Variants in DEPDC5 observed in about 807,000 individuals in gnomAD.
DEPDC5 encodes GATOR1 complex protein DEPDC5.
A neutral mutation model predicts 217.3 loss-of-function variants in DEPDC5; 73 were observed. The ratio of observed to expected loss-of-function variants is 0.34; its 90% confidence interval spans 0.28 to 0.41. The LOEUF (loss-of-function observed/expected upper bound fraction) is 0.41, where lower values mean the gene tolerates loss of function less well. Ranked by LOEUF, DEPDC5 falls within the 10% of genes least tolerant of loss-of-function variation. The pLI, the probability that DEPDC5 is intolerant of heterozygous loss-of-function variation, is 1.00. For missense variants in DEPDC5, 1,675 were observed against 2,070.1 expected (o/e 0.81, Z 3.70); for synonymous variants, 733 against 756.7 (o/e 0.97, Z 0.51).
At chr22:31,775,014 G>C (rs1455871662) in intron 7 of DEPDC5, among the ~76,000 whole-genome samples, 1 of 147,970 alleles carries the variant, frequency 6.8e-6, no homozygotes, top group Non-Finnish European at 1.5e-5. Flanking sequence ...AAAGGAGTAT[G>C]AAAAAGCATC....
intron 24 of DEPDC5, among the ~76,000 whole-genome samples, chr22:31,830,447 C>T (rs1271182756): frequency 1.3e-5 from 2 of 152,222 alleles, no homozygotes; most frequent in Non-Finnish European, 2.9e-5. Flanking sequence ...CATATGCCAA[C>T]AGCAAGTCTT....
intron 31 of DEPDC5, among the ~76,000 whole-genome samples, chr22:31,852,258 T>C (rs5998144): frequency 0.081 from 12,382 of 152,202 alleles, 577 homozygotes; most frequent in Admixed American, 0.12. Context: ...ATCACGCGGC[T>C]TCAGTGAGAA....
At chr22:31,797,131 T>G (rs548595396) in intron 12 of DEPDC5, among the ~76,000 whole-genome samples, 2 of 152,022 alleles carry the variant, frequency 1.3e-5, no homozygotes, top group East Asian at 3.9e-4. Flanking sequence ...CTCAGCTCAC[T>G]GTACTCCAAT....
intron 31 of DEPDC5, among the ~76,000 whole-genome samples, chr22:31,850,276 A>G (rs1046945372): frequency 2.6e-5 from 4 of 151,972 alleles, no homozygotes; most frequent in South Asian, 4.1e-4. Flanking sequence ...GTAAAACAAT[A>G]TATTGTGGAT....
chr22:31,899,044 A>G (rs1443081615), intron 40 of DEPDC5, among the ~76,000 whole-genome samples: 3 of 152,246 alleles, frequency 2.0e-5, no homozygotes, highest in African/African-American at 7.2e-5. Context: ...AAACTGTCCA[A>G]AGACTCTTTG....
At chr22:31,801,442 G>A (rs1207180207) in intron 14 of DEPDC5, among the ~76,000 whole-genome samples, 1 of 152,198 alleles carries the variant, frequency 6.6e-6, no homozygotes, top group African/African-American at 2.4e-5. Context: ...ATTGTTAGCA[G>A]TGTGGTATGA....
At chr22:31,832,024 A>G (rs1247074110) in intron 24 of DEPDC5, among the ~76,000 whole-genome samples, 1 of 152,210 alleles carries the variant, frequency 6.6e-6, no homozygotes, top group African/African-American at 2.4e-5. Flanking sequence ...ATCATACAGT[A>G]TGTAATTTTT....
chr22:31,798,324 C>A (rs2086486941), intron 13 of DEPDC5, among the ~76,000 whole-genome samples: 1 of 152,236 alleles, frequency 6.6e-6, no homozygotes, highest in East Asian at 1.9e-4. Context: ...TCAAGACCAG[C>A]CTGACCAATA....
intron 18 of DEPDC5, among the ~76,000 whole-genome samples, chr22:31,809,067 C>G (rs531445930): frequency 7.9e-5 from 12 of 152,152 alleles, no homozygotes; most frequent in African/African-American, 2.4e-4. Context: ...TGTGCCTGGC[C>G]TTTATTTATT....
intron 31 of DEPDC5, among the ~76,000 whole-genome samples, chr22:31,855,142 T>C (rs553020832): frequency 5.3e-5 from 8 of 151,686 alleles, no homozygotes; most frequent in African/African-American, 1.7e-4. Flanking sequence ...TTTTTGTATT[T>C]TTAGTAGAGA....
intron 24 of DEPDC5, among the ~76,000 whole-genome samples, chr22:31,826,096 T>C (rs2090126942): frequency 6.6e-6 from 1 of 151,890 alleles, no homozygotes; most frequent in Non-Finnish European, 1.5e-5. Flanking sequence ...AACCTCTGCC[T>C]CCCGGGTTCA....
intron 20 of DEPDC5, chr22:31,814,709 T>A (rs1005421306): frequency 1.9e-5 from 8 of 427,070 alleles, no homozygotes; most frequent in Non-Finnish European, 3.4e-5. Context: ...TGATGAGAGA[T>A]TAATCAGTGG....
At chr22:31,802,627 G>T (rs974530143) in intron 14 of DEPDC5, 77 bp from the exon 15 acceptor site, 6 of 1,422,916 alleles carry the variant, frequency 4.2e-6, no homozygotes, top group Non-Finnish European at 4.7e-6. Context: ...TGCTCTGAGA[G>T]TGTAGAGATG....
At chr22:31,803,360 G>A (rs965016929) in intron 15 of DEPDC5, among the ~76,000 whole-genome samples, 3 of 152,030 alleles carry the variant, frequency 2.0e-5, no homozygotes, top group South Asian at 2.1e-4. Context: ...ACAGGCATCC[G>A]CCACCATGCC....
In DEPDC5 at chr22:31,897,477, G is replaced by A. The variant is rs562015255; in HGVS notation, c.4204-5G>A. The A allele has an allele frequency of 1.8e-5, 29 of 1,607,272 alleles. No individual in the cohort carries two copies. The highest frequency in any genetic ancestry group is 6.7e-5 in the African/African-American group (5 of 74,652). On this transcript the variant is annotated splice_region_variant and splice_polypyrimidine_tract_variant and intron_variant, in intron 39 of 42. Coordinates refer to ENST00000651528, the MANE Select transcript of DEPDC5 (RefSeq NM_001242896.3). ...GATATTGTTTGTTTCTGTACTTTCC[G>A]CCAGGTCCAAGGTTGGCATCGGAAA...
At chr22:31,812,839 C>T (rs1602077070) in intron 20 of DEPDC5, among the ~76,000 whole-genome samples, 2 of 150,478 alleles carry the variant, frequency 1.3e-5, no homozygotes, top group South Asian at 4.3e-4. Flanking sequence ...CTCCCAGGTT[C>T]AAGCAAGTCT....
intron 31 of DEPDC5, among the ~76,000 whole-genome samples, chr22:31,856,628 T>C (rs2092315446): frequency 6.6e-6 from 1 of 152,200 alleles, no homozygotes; most frequent in African/African-American, 2.4e-5. Context: ...ACTGTATTTG[T>C]CTTGCGTTAT....
chr22:31,887,144 C>T (rs1228348789), intron 38 of DEPDC5, among the ~76,000 whole-genome samples: 2 of 150,618 alleles, frequency 1.3e-5, no homozygotes, highest in Non-Finnish European at 3.0e-5. Context: ...ATAGGCCGGG[C>T]ATGTTGGCTC....
intron 31 of DEPDC5, 97 bp downstream of exon 31, chr22:31,847,064 A>G: frequency 6.4e-7 from 1 of 1,553,914 alleles, no homozygotes; most frequent in Non-Finnish European, 8.8e-7. Context: ...TTTCCTTTAC[A>G]AGGAGCTTGT....
Sources: gnomAD v4.1 joint callset for allele counts (sites outside exome capture counted in the v4.1 genomes callset) on GRCh38, gnomAD v4.1.1 for gene constraint, MANE v1.5 for transcripts, NCBI Gene and HGNC (gene_info 2026-07-23, HGNC 2026-07-21) for gene names.